Variants in PNPLA6 observed in about 807,000 individuals in gnomAD.
The protein encoded by PNPLA6 is patatin-like phospholipase domain-containing protein 6.
A neutral mutation model predicts 153.7 loss-of-function variants in PNPLA6; 105 were observed. The observed-to-expected ratio is 0.68, with a 90% CI of 0.58 to 0.80. The LOEUF (loss-of-function observed/expected upper bound fraction) is 0.80. Ranked by LOEUF, PNPLA6 falls within the 30% of genes least tolerant of loss-of-function variation. PNPLA6 has a pLI of 0.00. For synonymous variants in PNPLA6, 825 were observed against 822.2 expected (o/e 1.00, Z -0.06); for missense variants, 1,423 against 1,919.3 (o/e 0.74, Z 4.83).
chr19:7,560,622 T>C lies in PNPLA6; in HGVS notation c.3700-26T>C, dbSNP rs147926231. On this transcript the variant is annotated intron_variant, in intron 28 of 31. Transcript: ENST00000600737. ...GACAAGCAAAGCAGGGTTGCAGACA[T>C]GGACCCAGCCCCTCATTTCCCACAG... 32 of 1,494,480 alleles carry C rather than the reference T, an allele frequency of 2.1e-5. No individual in the cohort carries two copies. In the African/African-American group the frequency reaches 4.0e-4, roughly 19 times the overall value. The allele number at this position is 1,494,480 out of a possible 1,614,324, so 92.6% of individuals were successfully genotyped here.
In PNPLA6 at chr19:7,555,433, A is replaced by C. The variant is rs1431918062; in HGVS notation, c.2936+66A>C. On this transcript the variant is annotated intron_variant, in intron 23 of 31. Coordinates refer to ENST00000600737, the MANE Select transcript of PNPLA6 (RefSeq NM_001166114.2). The surrounding 1 kb of genome is among the most constrained non-coding windows in gnomAD (Gnocchi z 6.3). ...TCCGAGGGTGGAGCTTCCTGGGAGA[A>C]ACCGTGGGGGCGGGGCCTGGGTGTT... The C allele has an allele frequency of 3.5e-5, 47 of 1,342,184 alleles. 1 individual carries two copies. Among genetic ancestry groups the C allele is most frequent in the South Asian group, 2.3e-4 (18 of 79,578 alleles). The allele number at this position is 1,342,184 out of a possible 1,614,324, so 83.1% of individuals were successfully genotyped here.
chr19:7,535,836 G>C lies in PNPLA6; in HGVS notation c.48G>C (p.Lys16Asn). Residue 16 changes from lysine (K) to asparagine (N), a missense_variant, in exon 1 of 32, where the codon AAG becomes AAC. Lys to Asn is a moderately conservative substitution (Grantham distance 94). This residue lies in a region of PNPLA6 where 109 missense variants were observed against 109.4 expected (regional missense o/e 1.00). Coordinates refer to ENST00000600737, the MANE Select transcript of PNPLA6 (RefSeq NM_001166114.2). The surrounding 1 kb of genome is among the most constrained non-coding windows in gnomAD (Gnocchi z 5.0). ...TGGCTACGAACTCCTCGGGGGCGAA[G>C]GTGGCGGAGAGGGATGGGTTCCAGG... is the stretch of plus-strand genomic sequence containing the variant. ...HGLATNSSGA[K>N]VAERDGFQDV... The C allele has an allele frequency of 6.5e-7, 1 of 1,537,478 alleles. No homozygotes were observed. Among genetic ancestry groups the C allele is most frequent in the South Asian group, 1.2e-5 (1 of 84,066 alleles).
In PNPLA6 at chr19:7,555,359, C is replaced by T. The variant is rs553944725; in HGVS notation, c.2928C>T (p.Gly976=). 187 of 1,004,712 alleles carry T rather than the reference C, an allele frequency of 1.9e-4. 2 individuals are homozygous for T. In the South Asian group the frequency reaches 2.8e-3, roughly 15 times the overall value. 62.2% of individuals were successfully genotyped at this position (1,004,712 alleles called of 1,614,324 possible). ...GNTIALVLGG[G]GARGCSHIGV... ...CCATTGCCCTTGTGCTAGGCGGGGG[C>T]GGGGCCAGGTGAGGGCGGGGCTTGC... Residue 976 remains glycine (G), a synonymous_variant, in exon 23 of 32, where the codon GGC becomes GGT. Transcript: ENST00000600737. This position sits in a 1 kb window ranked among gnomAD's most constrained non-coding sequence, Gnocchi z 6.3.
chr19:7,536,568 C>G (rs1196798574), intron 3 of PNPLA6, 22 bp downstream of exon 3: 6 of 1,512,000 alleles, frequency 4.0e-6, no homozygotes, highest in Non-Finnish European at 5.5e-6. Flanking sequence ...CTGGGTGTGA[C>G]CTGGTATTAG....
chr19:7,542,750 GCCCCACTCAGAC>G lies in PNPLA6; in HGVS notation c.1363_1374del (p.Thr455_Gln458del). ...GGGAGCATCAGGAGGTCACAAGCCT[GCCCCACTCAGAC>G]CCCCACTCAGGAGCCTCGTGAGCAG... On this transcript the variant is annotated splice_acceptor_variant and splice_polypyrimidine_tract_variant and coding_sequence_variant and intron_variant, in exon 12 of 32. Coordinates refer to ENST00000600737, the MANE Select transcript of PNPLA6 (RefSeq NM_001166114.2). LOFTEE classifies it high-confidence loss of function. The G allele has an allele frequency of 6.2e-7, 1 of 1,612,900 alleles. No individual in the cohort carries two copies. Among genetic ancestry groups the G allele is most frequent in the Non-Finnish European group, 8.5e-7 (1 of 1,179,908 alleles).
At chr19:7,544,722 C>A (rs1263677928) in intron 13 of PNPLA6, among the ~76,000 whole-genome samples, 1 of 152,142 alleles carries the variant, frequency 6.6e-6, no homozygotes, top group Non-Finnish European at 1.5e-5. Flanking sequence ...TGTTAGCCGG[C>A]TGGAGTGTTG....
chr19:7,550,450 C>T, intron 15 of PNPLA6, 21 bp downstream of exon 15: 1 of 1,611,954 alleles, frequency 6.2e-7, no homozygotes. Flanking sequence ...CACCGCGCTG[C>T]TCAGGCCCGG....
In PNPLA6 at chr19:7,556,737, GC is replaced by G; in HGVS notation, c.3280+16del. 1 of 1,598,112 alleles carries G rather than the reference GC, an allele frequency of 6.3e-7. No individual in the cohort carries two copies. Among genetic ancestry groups the G allele is most frequent in the South Asian group, 1.1e-5 (1 of 90,802 alleles). ...GTCCACAAAGATGGTGGGTGTCCCC[GC>G]CCAGCCTGCAGCAACCGCTGACGCC... On this transcript the variant is annotated intron_variant, in intron 26 of 31. Coordinates refer to ENST00000600737, the MANE Select transcript of PNPLA6 (RefSeq NM_001166114.2).
Position 7,555,432 on chromosome 19 carries a change from A to C in PNPLA6, c.2936+65A>C. The C allele has an allele frequency of 7.4e-7, 1 of 1,355,922 alleles. No individual in the cohort carries two copies. Among genetic ancestry groups the C allele is most frequent in the African/African-American group, 1.5e-5 (1 of 68,044 alleles). The allele number at this position is 1,355,922 out of a possible 1,614,324, so 84.0% of individuals were successfully genotyped here. On this transcript the variant is annotated intron_variant, in intron 23 of 31. Transcript: ENST00000600737. This position sits in a 1 kb window ranked among gnomAD's most constrained non-coding sequence, Gnocchi z 6.3. ...GTCCGAGGGTGGAGCTTCCTGGGAG[A>C]AACCGTGGGGGCGGGGCCTGGGTGT...
At chr19:7,537,767 G>T (rs1252722006) in intron 3 of PNPLA6, among the ~76,000 whole-genome samples, 1 of 151,906 alleles carries the variant, frequency 6.6e-6, no homozygotes, top group African/African-American at 2.4e-5. Context: ...TCAGCCTCCC[G>T]AGTAGCTGGG....
chr19:7,555,535 G>T lies in PNPLA6; in HGVS notation c.2937-72G>T. On this transcript the variant is annotated intron_variant, in intron 23 of 31. Transcript: ENST00000600737. This position sits in a 1 kb window ranked among gnomAD's most constrained non-coding sequence, Gnocchi z 6.3. The stretch of plus-strand genomic sequence containing the variant: ...TTTGTTCCTTAGCAGTGCGGGAGGT[G>T]GGAGGAGGTAGGGGCAGGGGAGTTC... The T allele has an allele frequency of 6.5e-7, 1 of 1,544,262 alleles. No homozygotes were observed.
intron 3 of PNPLA6, 136 bp downstream of exon 3, chr19:7,536,682 C>A: frequency 1.4e-6 from 1 of 718,512 alleles, no homozygotes; most frequent in Non-Finnish European, 2.5e-6. Flanking sequence ...ATTCCCAGCA[C>A]TTTGGGAGGC....
Position 7,561,113 on chromosome 19 carries a change from G to A in PNPLA6, c.3913+3G>A. 6.4e-7 allele frequency: 1 copy of A among 1,571,912 alleles called. No homozygotes were observed. The highest frequency in any genetic ancestry group is 8.6e-7 in the Non-Finnish European group (1 of 1,164,870). On this transcript the variant is annotated splice_donor_region_variant and intron_variant, in intron 30 of 31. Transcript: ENST00000600737. ...TGTCTCTGATGGCTGTGCTGACGGT[G>A]AGGGGCCCAGGGGACCCCCCAAGAG...
At chr19:7,548,801 C>CTTTT (rs1159787936) in intron 13 of PNPLA6, among the ~76,000 whole-genome samples, 8 of 67,222 alleles carry the variant, frequency 1.2e-4, no homozygotes, top group East Asian at 9.4e-4. Flanking sequence ...AAAAATTTTT[C>CTTTT]TTTTTTTTTT....
Position 7,542,637 on chromosome 19 carries a change from G to C in PNPLA6, c.1329G>C (p.Glu443Asp). The stretch of plus-strand genomic sequence containing the variant: ...GGATCTCCGTGTCCCTGCAGGAAGA[G>C]GCCTCCGGGGGGTCCCTGGCAGCCC... ...RGRISVSLQE[E>D]ASGGSLAAPA... The change falls in exon 11 of 32, where the codon GAG (glutamate) becomes GAC (aspartate). Residue 443 changes from glutamate to aspartate, a missense_variant. By Grantham distance (45) the Glu-to-Asp change is conservative (BLOSUM62 2). This residue lies in a region of PNPLA6 where 267 missense variants were observed against 255.1 expected (regional missense o/e 1.05). Coordinates refer to ENST00000600737, the MANE Select transcript of PNPLA6 (RefSeq NM_001166114.2). 6.2e-7 allele frequency: 1 copy of C among 1,613,474 alleles called. No individual in the cohort carries two copies. The highest frequency in any genetic ancestry group is 1.3e-5 in the African/African-American group (1 of 75,066).
intron 29 of PNPLA6, 89 bp downstream of exon 29, chr19:7,560,853 C>A: frequency 1.1e-6 from 1 of 927,316 alleles, no homozygotes; most frequent in Non-Finnish European, 1.8e-6. Flanking sequence ...CTCAGATGAC[C>A]CCACATGTCC....
At position 7,548,801 on chromosome 19, in the gene PNPLA6, C is replaced by CTT. The variant is rs1159787936; in HGVS notation, c.1609-1088_1609-1087dup. On this transcript the variant is annotated intron_variant, in intron 13 of 31. Transcript: ENST00000600737. Reference sequence around the variant, plus strand: ...ATATAATCTATGTAAAAAAATTTTTCTTTTTTTTTTTTTTTTTTTGAGACG... The same window carrying CTT: ...ATATAATCTATGTAAAAAAATTTTTCTTTTTTTTTTTTTTTTTTTTTGAGACG... 1.0e-3 allele frequency among the ~76,000 whole-genome samples: 70 copies of CTT among 67,208 alleles called. 1 individual carries two copies. Among genetic ancestry groups the CTT allele is most frequent in the African/African-American group, 2.1e-3 (46 of 21,580 alleles). 44.1% of individuals were successfully genotyped at this position (67,208 alleles called of 152,430 possible). A position where few individuals can be genotyped will look rare whatever the true frequency, so the allele number is the denominator to read the frequency against.
chr19:7,536,065 GC>G, intron 1 of PNPLA6, 45 bp downstream of exon 1: 1 of 1,574,996 alleles, frequency 6.3e-7, no homozygotes, highest in Non-Finnish European at 8.6e-7. Flanking sequence ...ATGGTGGGGG[GC>G]CCAAATGCCC....
chr19:7,557,069 T>A, intron 26 of PNPLA6, 99 bp from the exon 27 acceptor site: 1 of 910,338 alleles, frequency 1.1e-6, no homozygotes, highest in Non-Finnish European at 1.8e-6. Context: ...GGTGCTACGT[T>A]AACAACGTCC....
Sources: allele counts gnomAD v4.1 joint callset (sites outside exome capture counted in the v4.1 genomes callset), GRCh38; gene constraint gnomAD v4.1.1; regional missense constraint gnomAD v4.1.1; non-coding constraint Gnocchi (gnomAD v3.1); transcripts MANE v1.5; gene names NCBI Gene and HGNC (gene_info 2026-07-23, HGNC 2026-07-21).